Variants in EEF2K observed in about 807,000 individuals in gnomAD.
The protein encoded by EEF2K is alternative protein EEF2K.
Under a neutral mutation model 93.8 loss-of-function variants are expected in EEF2K, and 70 were observed. The ratio of observed to expected loss-of-function variants is 0.75; its 90% CI spans 0.62 to 0.91. The LOEUF is 0.91. EEF2K is among the 40% of genes least tolerant of loss of function. The pLI, the probability that EEF2K is intolerant of heterozygous loss-of-function variation, is 0.00. For synonymous variants in EEF2K, 376 were observed against 380.8 expected (o/e 0.99, Z 0.15); for missense variants, 935 against 972.9 (o/e 0.96, Z 0.52).
intron 11 of EEF2K, among the ~76,000 whole-genome samples, chr16:22,260,755 G>T (rs1156845732): frequency 1.3e-5 from 2 of 152,204 alleles, no homozygotes; most frequent in Non-Finnish European, 2.9e-5. Context: ...TCCCAGAGAT[G>T]GTTAGGGAAG....
rs2047412128 is a variant in EEF2K, at chr16:22,257,313, G to A, written c.829G>A (p.Gly277Arg). The change falls in exon 8 of 18, where the codon GGA becomes AGA. Residue 277 changes from glycine (G) to arginine (R), a missense_variant. Transcript: ENST00000263026. The part of the protein sequence containing the change: ...GHQLIVVDIQ[G>R]VGDLYTDPQI... ...TCAGCTGATAGTGGTGGACATCCAG[G>A]GAGTTGGGGATCTCTACACTGACCC... 1 of 1,614,090 alleles carries A rather than the reference G, an allele frequency of 6.2e-7. No homozygotes were observed.
chr16:22,262,001 C>T (rs1480483847), intron 11 of EEF2K, among the ~76,000 whole-genome samples: 2 of 138,018 alleles, frequency 1.4e-5, no homozygotes, highest in Non-Finnish European at 3.2e-5. Flanking sequence ...TGAGACCCTG[C>T]CACACACACA....
In EEF2K at chr16:22,274,692, C is replaced by T. The variant is rs1352057260; in HGVS notation, c.1889+942C>T. ...GTGCCATCATAGCTCACTGCAGCCT[C>T]TACCTCCTGGGCTCAAGCAGTCCTC... On this transcript the variant is annotated intron_variant, in intron 16 of 17. Coordinates refer to ENST00000263026, the MANE Select transcript of EEF2K (RefSeq NM_013302.5). Among the ~76,000 whole-genome samples, 7 of 152,110 alleles carry T rather than the reference C, an allele frequency of 4.6e-5. No individual in the cohort carries two copies. In the East Asian group the frequency reaches 7.7e-4, roughly 17 times the overall value.
intron 12 of EEF2K, among the ~76,000 whole-genome samples, chr16:22,263,821 C>A (rs895511985): frequency 6.6e-6 from 1 of 152,042 alleles, no homozygotes; most frequent in African/African-American, 2.4e-5. Flanking sequence ...TCCTGTGAGG[C>A]CCCAGGGAGG....
chr16:22,276,594 C>T (rs1020714982), intron 16 of EEF2K, among the ~76,000 whole-genome samples: 1 of 152,112 alleles, frequency 6.6e-6, no homozygotes, highest in Non-Finnish European at 1.5e-5. Context: ...CTAGAAACGC[C>T]AAGGAAGGAT....
intron 1 of EEF2K, among the ~76,000 whole-genome samples, chr16:22,225,341 C>T (rs1166333284): frequency 2.0e-5 from 3 of 152,108 alleles, no homozygotes; most frequent in Non-Finnish European, 4.4e-5. Context: ...CAGGGGTGGG[C>T]GTTAAGCAGA....
chr16:22,224,812 T>C (rs2047047293), intron 1 of EEF2K, among the ~76,000 whole-genome samples: 1 of 151,806 alleles, frequency 6.6e-6, no homozygotes, highest in Admixed American at 6.6e-5. Flanking sequence ...AATTAGCTAG[T>C]TGTGGTGGTA....
At chr16:22,280,443 C>T in intron 17 of EEF2K, 67 bp downstream of exon 17, 1 of 1,344,724 alleles carries the variant, frequency 7.4e-7, no homozygotes, top group Non-Finnish European at 9.6e-7. Context: ...AATTTCCATT[C>T]CACTGGGAGT....
At position 22,244,715 on chromosome 16, in the gene EEF2K, G is replaced by C; in HGVS notation, c.332G>C (p.Arg111Pro). Reference protein sequence around the residue: ...EFHLEDIATERATRHRYNAVT... With the variant: ...EFHLEDIATEPATRHRYNAVT... ...CACCTGGAAGATATTGCCACCGAAC[G>C]TGCTACTCGACACAGGTCAGCAGCT... is the stretch of plus-strand genomic sequence containing the variant. The change falls in exon 3 of 18, where the codon CGT becomes CCT. Residue 111 changes from arginine (R) to proline (P), a missense_variant. By Grantham distance (103) the Arg-to-Pro change is moderately radical. Coordinates refer to ENST00000263026, the MANE Select transcript of EEF2K (RefSeq NM_013302.5). 1 of 1,613,916 alleles carries C rather than the reference G, an allele frequency of 6.2e-7. No individual in the cohort carries two copies. The highest frequency in any genetic ancestry group is 8.5e-7 in the Non-Finnish European group (1 of 1,179,918).
chr16:22,208,240 G>T (rs1167652178), intron 1 of EEF2K, among the ~76,000 whole-genome samples: 1 of 152,118 alleles, frequency 6.6e-6, no homozygotes, highest in Non-Finnish European at 1.5e-5. Flanking sequence ...GGTGTTTTGG[G>T]CCAGGGGCGT....
In EEF2K at chr16:22,266,757, G is replaced by C. The variant is rs1013744084; in HGVS notation, c.1645G>C (p.Glu549Gln). The C allele has an allele frequency of 6.2e-7, 1 of 1,614,200 alleles. No homozygotes were observed. Among genetic ancestry groups the C allele is most frequent in the East Asian group, 2.2e-5 (1 of 44,886 alleles). Residue 549 changes from glutamate to glutamine, a missense_variant, in exon 15 of 18, where the codon GAG becomes CAG. Coordinates refer to ENST00000263026, the MANE Select transcript of EEF2K (RefSeq NM_013302.5). Reference protein sequence around the residue: ...FCEKGEEWDQESAVFHLEHAA... With the variant: ...FCEKGEEWDQQSAVFHLEHAA... ...CGAGAAGGGCGAGGAGTGGGACCAGGAGTCGGCTGTCTTCCACCTGGAGCA... is the reference window on the plus strand; with the variant it reads ...CGAGAAGGGCGAGGAGTGGGACCAGCAGTCGGCTGTCTTCCACCTGGAGCA...
chr16:22,217,335 T>G (rs369148495), intron 1 of EEF2K, among the ~76,000 whole-genome samples: 1 of 152,008 alleles, frequency 6.6e-6, no homozygotes, highest in African/African-American at 2.4e-5. Context: ...GCAAAGGTTG[T>G]TCACTAGAGT....
intron 4 of EEF2K, 151 bp downstream of exon 4, chr16:22,248,966 GC>G: frequency 1.4e-6 from 1 of 728,400 alleles, no homozygotes; most frequent in Non-Finnish European, 2.1e-6. Context: ...ATTGGTTGTA[GC>G]CAGCATTTTT....
Position 22,220,255 on chromosome 16 carries a change from G to A in EEF2K, c.-76-5399G>A, listed in dbSNP as rs115551397. ...ATCAAGTGCCTGCTGTGTACAAGGC[G>A]CTGTGCCAGGCAGGGTCACAGCTGC... On this transcript the variant is annotated intron_variant, in intron 1 of 17. Coordinates refer to ENST00000263026, the MANE Select transcript of EEF2K (RefSeq NM_013302.5). Among the ~76,000 whole-genome samples the A allele has an allele frequency of 5.0e-3, 760 of 152,322 alleles. 5 individuals carry two copies. Among genetic ancestry groups the A allele is most frequent in the African/African-American group, 0.016 (661 of 41,582 alleles).
intron 6 of EEF2K, among the ~76,000 whole-genome samples, chr16:22,252,703 C>A (rs891875390): frequency 1.3e-5 from 2 of 152,126 alleles, no homozygotes; most frequent in African/African-American, 4.8e-5. Flanking sequence ...TAAAGACATA[C>A]CCAAGACTGG....
intron 2 of EEF2K, among the ~76,000 whole-genome samples, chr16:22,229,984 T>C (rs1407204744): frequency 6.6e-6 from 1 of 152,158 alleles, no homozygotes; most frequent in African/African-American, 2.4e-5. Context: ...TAGCTGGAGT[T>C]ACTCTGGGGC....
rs79272870 is a variant in EEF2K at position 22,248,342 on chromosome 16, C to A, written c.348-413C>A. Among the ~76,000 whole-genome samples, 535 of 152,270 alleles carry A rather than the reference C, an allele frequency of 3.5e-3. 6 individuals are homozygous for A. The highest frequency in any genetic ancestry group is 5.3e-3 in the Non-Finnish European group (360 of 68,032). On this transcript the variant is annotated intron_variant, in intron 3 of 17. Transcript: ENST00000263026. Reference sequence around the variant, plus strand: ...CCTCCCAAAGTGCTGGGATTACGGGCGTGAACCACCAAGTCCGGCCATGTA... The same window carrying A: ...CCTCCCAAAGTGCTGGGATTACGGGAGTGAACCACCAAGTCCGGCCATGTA...
intron 9 of EEF2K, 78 bp from the exon 10 acceptor site, chr16:22,258,416 T>C (rs1168031517): frequency 3.5e-5 from 52 of 1,474,122 alleles, no homozygotes; most frequent in Non-Finnish European, 4.9e-5. Context: ...GTTTCAGGGT[T>C]AGAGGGAACA....
intron 17 of EEF2K, among the ~76,000 whole-genome samples, chr16:22,282,535 A>G (rs544008438): frequency 6.6e-6 from 1 of 152,330 alleles, no homozygotes; most frequent in South Asian, 2.1e-4. Flanking sequence ...TGGGACTGTT[A>G]AGAGGTGATT....
Sources: gnomAD v4.1 joint callset for allele counts (sites outside exome capture counted in the v4.1 genomes callset) on GRCh38, gnomAD v4.1.1 for gene constraint, MANE v1.5 for transcripts, NCBI Gene and HGNC (gene_info 2026-07-23, HGNC 2026-07-21) for gene names.